NOL12: variants seen among roughly 807,000 people sequenced by gnomAD.
NOL12 encodes nucleolar protein 12.
NOL12 carries 21 observed loss-of-function variants against 25.2 expected under a neutral mutation model. That is an observed-to-expected ratio of 0.83 (90% confidence interval 0.59 to 1.20). The LOEUF is 1.20. Among genes scored for constraint, NOL12 ranks in the 50% most tolerant of loss-of-function variants. The probability of loss-of-function intolerance (pLI) is 0.00; values close to 1 mark genes in which losing one functional copy is unlikely to be tolerated. For missense variants in NOL12, 286 were observed against 287.6 expected (o/e 0.99, Z 0.04); for synonymous variants, 133 against 113.8 (o/e 1.17, Z -1.08).
Position 37,691,635 on chromosome 22 carries a change from G to A in NOL12, c.*299G>A, listed in dbSNP as rs571783642. On this transcript the variant is annotated 3_prime_UTR_variant, in exon 6 of 6. Coordinates refer to ENST00000359114, the MANE Select transcript of NOL12 (RefSeq NM_024313.3). ...CACCTGGCACTCATCAGATTTGTGCGCTTGTGATTTGTTTGTCCTTGATAC... is the reference window on the plus strand; with the variant it reads ...CACCTGGCACTCATCAGATTTGTGCACTTGTGATTTGTTTGTCCTTGATAC... 1.6e-4 allele frequency: 25 copies of A among 152,604 alleles called. 1 individual carries two copies. The Admixed American group carries it at 2.2e-3, about 13-fold the overall frequency. 9.5% of individuals were successfully genotyped at this position (152,604 alleles called of 1,614,324 possible). A position where few individuals can be genotyped will look rare whatever the true frequency, so the allele number is the denominator to read the frequency against.
intron 1 of NOL12, 184 bp downstream of exon 1, chr22:37,686,659 T>A: frequency 1.0e-6 from 1 of 985,358 alleles, no homozygotes; most frequent in Non-Finnish European, 1.2e-6. Flanking sequence ...CCTTCTCCCT[T>A]CTTGACCTCC....
chr22:37,691,238 C>T lies in NOL12; in HGVS notation c.544C>T (p.Arg182Ter), dbSNP rs1415909970. 5.6e-6 allele frequency: 9 copies of T among 1,613,956 alleles called. No homozygotes were observed. Among genetic ancestry groups the T allele is most frequent in the East Asian group, 2.2e-5 (1 of 44,902 alleles). Residue 182 changes from arginine (R) to a stop codon, truncating the protein, a stop_gained, in exon 6 of 6, where the codon CGA (arginine) becomes TGA (stop). Transcript: ENST00000359114. LOFTEE classifies it high-confidence loss of function. ...CAAAAAGGTCAAGAGGAAACATCCC[C>T]GACGGGCCCAGGACTCCAAAAAGCC... The part of the protein sequence containing the change: ...SRKKVKRKHP[R>*]RAQDSKKPPR...
chr22:37,691,301 C>T lies in NOL12; in HGVS notation c.607C>T (p.Arg203Cys), dbSNP rs138552438. The change falls in exon 6 of 6, where the codon CGT becomes TGT. Residue 203 changes from arginine (R) to cysteine (C), a missense_variant. By Grantham distance (180) the Arg-to-Cys change is radical. Transcript: ENST00000359114. ...TCGTACCAGCAAGGCCCAGCGCCGC[C>T]GTCTCACAGGCAAAGCACGGCACAG... is the stretch of plus-strand genomic sequence containing the variant. ...APRTSKAQRR[R>C]LTGKARHSGE is the part of the protein sequence containing the mutation. 5.6e-5 allele frequency: 90 copies of T among 1,613,596 alleles called. 1 individual carries two copies. Among genetic ancestry groups the T allele is most frequent in the South Asian group, 4.3e-4 (39 of 91,022 alleles).
chr22:37,691,212 G>A lies in NOL12; in HGVS notation c.518G>A (p.Arg173His), dbSNP rs377073310. ...SLTASLHAHSRKKVKRKHPRR... is the reference protein window; with the variant it reads ...SLTASLHAHSHKKVKRKHPRR... The stretch of plus-strand genomic sequence containing the variant: ...ACAGCATCACTACATGCACACAGCC[G>A]CAAAAAGGTCAAGAGGAAACATCCC... The change falls in exon 6 of 6, where the codon CGC becomes CAC. Residue 173 changes from arginine (R) to histidine (H), a missense_variant. By Grantham distance (29) the Arg-to-His change is conservative (BLOSUM62 0). Transcript: ENST00000359114. 1.4e-5 allele frequency: 22 copies of A among 1,613,460 alleles called. No homozygotes were observed. Among genetic ancestry groups the A allele is most frequent in the Middle Eastern group, 1.6e-4 (1 of 6,076 alleles).
chr22:37,688,935 C>T lies in NOL12; in HGVS notation c.324C>T (p.Thr108=), dbSNP rs761494936. 4 of 1,613,950 alleles carry T rather than the reference C, an allele frequency of 2.5e-6. No homozygotes were observed. The Admixed American group carries it at 5.0e-5, about 20-fold the overall frequency. The change falls in exon 4 of 6, where the codon ACC becomes ACT. Residue 108 remains threonine (T), a synonymous_variant. Coordinates refer to ENST00000359114, the MANE Select transcript of NOL12 (RefSeq NM_024313.3). ...ACCCCAACCACACAGTCACCGTGAC[C>T]ACCATCAGTGACCTGGACCTCTCGG... ...YDHPNHTVTV[T]TISDLDLSGA...
chr22:37,691,078 TG>T, intron 5 of NOL12, 95 bp from the exon 6 acceptor site: 1 of 1,420,286 alleles, frequency 7.0e-7, no homozygotes, highest in Non-Finnish European at 9.6e-7. Flanking sequence ...TTGGCGGTCC[TG>T]GCATTCGCAA....
chr22:37,686,835 A>G (rs1921837335), intron 1 of NOL12: 1 of 985,312 alleles, frequency 1.0e-6, no homozygotes. Context: ...GCTTAAGTTC[A>G]TTCATTCGCT....
In NOL12 at chr22:37,692,498, C is replaced by G. The variant is rs1388540525; in HGVS notation, c.*1162C>G. The G allele has an allele frequency of 2.5e-6, 1 of 398,598 alleles. No individual in the cohort carries two copies. Among genetic ancestry groups the G allele is most frequent in the East Asian group, 3.6e-5 (1 of 28,094 alleles). 24.7% of individuals were successfully genotyped at this position (398,598 alleles called of 1,614,324 possible). On this transcript the variant is annotated 3_prime_UTR_variant, in exon 6 of 6. Coordinates refer to ENST00000359114, the MANE Select transcript of NOL12 (RefSeq NM_024313.3). ...TCCAGATGGATGAGTTGATGGAAAC[C>G]CTGTCCCTTCCTTGTCCCAGCTTGT...
At chr22:37,689,015 G>A in intron 4 of NOL12, 23 bp downstream of exon 4, 1 of 1,607,654 alleles carries the variant, frequency 6.2e-7, no homozygotes, top group Non-Finnish European at 8.5e-7. Context: ...CTCAGCCCTG[G>A]GAGGAAGGGG....
rs1280892494 is a variant in NOL12, at chr22:37,690,750, C to G, written c.435C>G (p.Thr145=). The G allele has an allele frequency of 6.2e-7, 1 of 1,614,022 alleles. No individual in the cohort carries two copies. Among genetic ancestry groups the G allele is most frequent in the Admixed American group, 1.7e-5 (1 of 60,006 alleles). The change falls in exon 5 of 6, where the codon ACC becomes ACG. Residue 145 remains threonine (T), a synonymous_variant. Coordinates refer to ENST00000359114, the MANE Select transcript of NOL12 (RefSeq NM_024313.3). The part of the protein sequence containing the change: ...EEEASSTEKP[T]KALPRKSRDP... ...AGGCGTCATCCACGGAGAAACCAACCAAAGCCTTGCCCAGGAAGTCCAGAG... is the reference window on the plus strand; with the variant it reads ...AGGCGTCATCCACGGAGAAACCAACGAAAGCCTTGCCCAGGAAGTCCAGAG...
chr22:37,687,153 A>G (rs1433960785), intron 1 of NOL12: 55 of 942,078 alleles, frequency 5.8e-5, no homozygotes, highest in Non-Finnish European at 6.3e-5. Context: ...GTGTTGGTCC[A>G]GTGCAGGGTT....
At chr22:37,687,797 T>G in intron 1 of NOL12, 113 bp from the exon 2 acceptor site, 1 of 730,236 alleles carries the variant, frequency 1.4e-6, no homozygotes, top group East Asian at 2.8e-5. Context: ...TTACACTTTT[T>G]TGGAATGGTG....
Position 37,686,412 on chromosome 22 carries a change from A to G in NOL12, c.20A>G (p.Lys7Arg). The G allele has an allele frequency of 6.2e-7, 1 of 1,605,710 alleles. No individual in the cohort carries two copies. The highest frequency in any genetic ancestry group is 8.5e-7 in the Non-Finnish European group (1 of 1,176,966). ...ACTGCTATGGGCCGCAACAAGAAGA[A>G]GAAGCGAGATGGTGACGACCGGCGG... MGRNKK[K>R]KRDGDDRRPR... Residue 7 changes from lysine to arginine, a missense_variant, in exon 1 of 6, where the codon AAG (lysine) becomes AGG (arginine). Transcript: ENST00000359114.
intron 4 of NOL12, among the ~76,000 whole-genome samples, chr22:37,689,443 C>T (rs1420433651): frequency 6.6e-6 from 1 of 152,158 alleles, no homozygotes; most frequent in East Asian, 1.9e-4. Flanking sequence ...GTGATCGTTC[C>T]CTTTGTGCGA....
At chr22:37,688,500 A>G in intron 3 of NOL12, 140 bp downstream of exon 3, 1 of 831,828 alleles carries the variant, frequency 1.2e-6, no homozygotes, top group African/African-American at 1.7e-5. Context: ...GGTCCTAAGC[A>G]CCTCTAAGTG....
intron 4 of NOL12, 82 bp from the exon 5 acceptor site, chr22:37,690,615 C>T: frequency 1.0e-6 from 1 of 994,440 alleles, no homozygotes; most frequent in Non-Finnish European, 1.5e-6. Flanking sequence ...CACCACTTGC[C>T]AGAGCCATGG....
chr22:37,687,804 G>A (rs1921887758), intron 1 of NOL12, 106 bp from the exon 2 acceptor site: 1 of 763,012 alleles, frequency 1.3e-6, no homozygotes, highest in Non-Finnish European at 2.2e-6. Flanking sequence ...TTTTTGGAAT[G>A]GTGCCTAGCA....
Position 37,691,601 on chromosome 22 carries a change from T to C in NOL12, c.*265T>C, listed in dbSNP as rs1040202907. On this transcript the variant is annotated 3_prime_UTR_variant, in exon 6 of 6. Transcript: ENST00000359114. ...AGCCACGTGGGGGCATCTTCCCAAA[T>C]GTGCACCCCACCTGGCACTCATCAG... 6.1e-6 allele frequency: 2 copies of C among 327,944 alleles called. No individual in the cohort carries two copies. Among genetic ancestry groups the C allele is most frequent in the East Asian group, 4.3e-5 (1 of 23,016 alleles). 20.3% of individuals were successfully genotyped at this position (327,944 alleles called of 1,614,324 possible). A position where few individuals can be genotyped will look rare whatever the true frequency, so the allele number is the denominator to read the frequency against.
chr22:37,687,799 G>T, intron 1 of NOL12, 111 bp from the exon 2 acceptor site: 2 of 734,412 alleles, frequency 2.7e-6, no homozygotes, highest in Admixed American at 2.5e-5. Flanking sequence ...ACACTTTTTT[G>T]GAATGGTGCC....
Sources: gnomAD v4.1 joint callset for allele counts (sites outside exome capture counted in the v4.1 genomes callset) on GRCh38, gnomAD v4.1.1 for gene constraint, MANE v1.5 for transcripts, NCBI Gene and HGNC (gene_info 2026-07-23, HGNC 2026-07-21) for gene names.